NOL4: variants seen among roughly 807,000 people sequenced by gnomAD.
The protein encoded by NOL4 is nucleolar protein 4.
In NOL4, 17 loss-of-function variants were observed where a neutral mutation model predicts 75.9. The observed-to-expected ratio is 0.22, with a 90% CI of 0.15 to 0.34. The LOEUF (loss-of-function observed/expected upper bound fraction) is 0.34, where lower values mean the gene tolerates loss of function less well. Among genes scored for constraint, NOL4 ranks in the 10% least tolerant of loss-of-function variants. NOL4 has a pLI of 1.00. For synonymous variants in NOL4, 292 were observed against 289.9 expected (o/e 1.01, Z -0.07); for missense variants, 614 against 793.5 (o/e 0.77, Z 2.72).
chr18:34,189,402 G>T (rs554144897), intron 1 of NOL4, among the ~76,000 whole-genome samples: 1 of 152,104 alleles, frequency 6.6e-6, no homozygotes, highest in Non-Finnish European at 1.5e-5. Flanking sequence ...GAACACTGCC[G>T]TGCTGGGGAC....
At chr18:33,898,781 G>T (rs548556614) in intron 9 of NOL4, among the ~76,000 whole-genome samples, 1 of 152,028 alleles carries the variant, frequency 6.6e-6, no homozygotes, top group East Asian at 1.9e-4. Context: ...AAAAACTTTT[G>T]AGACTTCTTT....
At chr18:34,062,838 G>C (rs147206997) in intron 5 of NOL4, among the ~76,000 whole-genome samples, 126 of 152,098 alleles carry the variant, frequency 8.3e-4, no homozygotes, top group Middle Eastern at 6.9e-3. Flanking sequence ...TCTATATCCA[G>C]AATAAAATGT....
intron 7 of NOL4, 110 bp downstream of exon 7, chr18:33,958,129 T>G (rs2069796403): frequency 9.6e-7 from 1 of 1,043,642 alleles, no homozygotes; most frequent in East Asian, 2.4e-5. Flanking sequence ...TTTAAATCCT[T>G]CTGTAAATTA....
chr18:34,170,178 A>ATTT (rs201918434), intron 1 of NOL4, among the ~76,000 whole-genome samples: 39 of 141,244 alleles, frequency 2.8e-4, no homozygotes, highest in African/African-American at 6.8e-4. Context: ...TTTAAGAACT[A>ATTT]TTTTTTTTTT....
At chr18:34,103,349 C>G (rs1421256333) in intron 4 of NOL4, among the ~76,000 whole-genome samples, 1 of 151,988 alleles carries the variant, frequency 6.6e-6, no homozygotes, top group East Asian at 1.9e-4. Flanking sequence ...ACATATATAA[C>G]TTAGTCCCTG....
At chr18:33,933,352 G>C (rs2067830018) in intron 9 of NOL4, among the ~76,000 whole-genome samples, 1 of 152,144 alleles carries the variant, frequency 6.6e-6, no homozygotes. Flanking sequence ...TGATTAAGGT[G>C]ATGGTTGTTG....
intron 1 of NOL4, among the ~76,000 whole-genome samples, chr18:34,170,199 C>T (rs1600787153): frequency 1.4e-5 from 2 of 142,758 alleles, no homozygotes; most frequent in Non-Finnish European, 3.0e-5. Flanking sequence ...TTTTTTGAGA[C>T]GAAGTCTCAT....
intron 5 of NOL4, 94 bp downstream of exon 5, chr18:34,093,371 T>C: frequency 7.9e-7 from 1 of 1,264,560 alleles, no homozygotes; most frequent in Non-Finnish European, 1.1e-6. Flanking sequence ...TTTTAAAAAT[T>C]GACACAAGAA....
chr18:34,144,680 C>T (rs114221127), intron 1 of NOL4, among the ~76,000 whole-genome samples: 1,596 of 152,118 alleles, frequency 0.01, 32 homozygotes, highest in African/African-American at 0.037. Flanking sequence ...TTTAACTTTA[C>T]GTTTTCTCAC....
intron 6 of NOL4, among the ~76,000 whole-genome samples, chr18:34,002,242 T>G (rs1431585715): frequency 3.9e-5 from 6 of 152,050 alleles, no homozygotes; most frequent in African/African-American, 1.2e-4. Flanking sequence ...CTCTTTACTT[T>G]TTCAGACTCA....
chr18:33,922,960 A>T (rs1256596796), intron 9 of NOL4, among the ~76,000 whole-genome samples: 1 of 152,170 alleles, frequency 6.6e-6, no homozygotes, highest in East Asian at 1.9e-4. Context: ...AATTCTGTTT[A>T]AAAACTATAG....
intron 2 of NOL4, among the ~76,000 whole-genome samples, chr18:34,116,205 G>A (rs1436481021): frequency 6.6e-6 from 1 of 152,036 alleles, no homozygotes; most frequent in Non-Finnish European, 1.5e-5. Flanking sequence ...CAACATTAGT[G>A]ATCCAGTGAC....
intron 9 of NOL4, among the ~76,000 whole-genome samples, chr18:33,906,569 T>C (rs1002971587): frequency 3.9e-5 from 6 of 152,218 alleles, no homozygotes; most frequent in East Asian, 3.8e-4. Context: ...GACCAATATA[T>C]AGGAAGTTTC....
intron 5 of NOL4, among the ~76,000 whole-genome samples, chr18:34,057,532 G>A (rs2076881323): frequency 6.6e-6 from 1 of 152,060 alleles, no homozygotes; most frequent in Admixed American, 6.6e-5. Context: ...GTGGGTAAAT[G>A]GCCTATCAGT....
intron 1 of NOL4, among the ~76,000 whole-genome samples, chr18:34,216,903 T>C (rs2036927591): frequency 6.6e-6 from 1 of 152,064 alleles, no homozygotes; most frequent in Non-Finnish European, 1.5e-5. Context: ...TTTCTTCTTT[T>C]GTCGCATTGA....
chr18:34,031,581 C>T (rs1231402844), intron 5 of NOL4, among the ~76,000 whole-genome samples: 1 of 152,100 alleles, frequency 6.6e-6, no homozygotes, highest in Non-Finnish European at 1.5e-5. Flanking sequence ...TTCATATATG[C>T]CTCCTTCACT....
intron 4 of NOL4, among the ~76,000 whole-genome samples, chr18:34,102,279 T>C (rs905644741): frequency 1.3e-5 from 2 of 152,060 alleles, no homozygotes; most frequent in African/African-American, 4.8e-5. Context: ...ACTGTTTTTC[T>C]TCAGGAGGAC....
intron 5 of NOL4, among the ~76,000 whole-genome samples, chr18:34,054,037 T>C (rs918940013): frequency 2.4e-4 from 37 of 151,946 alleles, no homozygotes; most frequent in African/African-American, 8.2e-4. Context: ...TACTTGTAAG[T>C]GATGCAAGCA....
intron 1 of NOL4, among the ~76,000 whole-genome samples, chr18:34,217,929 G>A (rs1469104088): frequency 2.0e-5 from 3 of 151,802 alleles, no homozygotes; most frequent in Non-Finnish European, 2.9e-5. Flanking sequence ...TCCAGTAAAC[G>A]TCAGAGCCAG....
Sources: allele counts gnomAD v4.1 joint callset (sites outside exome capture counted in the v4.1 genomes callset), GRCh38; gene constraint gnomAD v4.1.1; transcripts MANE v1.5; gene names NCBI Gene and HGNC (gene_info 2026-07-23, HGNC 2026-07-21).